The following TTC27 variants were observed in gnomAD, a reference collection of about 807,000 sequenced individuals.
TTC27 encodes the protein tetratricopeptide repeat protein 27.
In TTC27, 79 loss-of-function variants were observed where a neutral mutation model predicts 115.9. The ratio of observed to expected loss-of-function variants is 0.68; its 90% CI spans 0.57 to 0.82. TTC27 has a LOEUF of 0.82. TTC27 is among the 40% of genes least tolerant of loss of function. The probability of loss-of-function intolerance (pLI) is 0.00; values close to 1 mark genes in which losing one functional copy is unlikely to be tolerated. For synonymous variants in TTC27, 401 were observed against 356.0 expected (o/e 1.13, Z -1.42); for missense variants, 1,054 against 993.1 (o/e 1.06, Z -0.82).
chr2:32,727,230 G>T (rs1263494832), intron 10 of TTC27, among the ~76,000 whole-genome samples: 1 of 152,164 alleles, frequency 6.6e-6, no homozygotes, highest in East Asian at 1.9e-4. Context: ...TTTCTGATGA[G>T]ATTGTGGTGA....
chr2:32,728,917 G>A (rs977682221), intron 10 of TTC27, among the ~76,000 whole-genome samples: 1 of 152,164 alleles, frequency 6.6e-6, no homozygotes, highest in Non-Finnish European at 1.5e-5. Flanking sequence ...TGAATTGACT[G>A]CAGACTCCTG....
At chr2:32,639,340 C>A (rs141917219) in intron 3 of TTC27, among the ~76,000 whole-genome samples, 2 of 152,120 alleles carry the variant, frequency 1.3e-5, no homozygotes, top group East Asian at 3.9e-4. Context: ...ATTTTAACAA[C>A]CTTGTCCATT....
At chr2:32,685,015 CTTTTTTTTTTT>C (rs70938361) in intron 9 of TTC27, among the ~76,000 whole-genome samples, 14 of 116,310 alleles carry the variant, frequency 1.2e-4, no homozygotes, top group East Asian at 2.5e-4. Context: ...TTGCCTTTTC[CTTTTTTTTTTT>C]TTTTTTTTTT....
chr2:32,777,904 G>T lies in TTC27; in HGVS notation c.1703G>T (p.Gly568Val). The T allele has an allele frequency of 6.2e-7, 1 of 1,613,980 alleles. No homozygotes were observed. Among genetic ancestry groups the T allele is most frequent in the Non-Finnish European group, 8.5e-7 (1 of 1,179,988 alleles). ...PMQLGVWFSL[G>V]CAYLALEDYQ... ...CAGCTCGGGGTGTGGTTTTCTCTCG[G>T]TTGTGCCTATTTGGCCTTGGAAGAC... The change falls in exon 14 of 20, where the codon GGT (glycine) becomes GTT (valine). Residue 568 changes from glycine to valine, a missense_variant. Gly to Val is a moderately radical substitution (Grantham distance 109, BLOSUM62 -3). Transcript: ENST00000317907.
chr2:32,690,264 T>C (rs1666766734), intron 9 of TTC27, among the ~76,000 whole-genome samples: 2 of 152,198 alleles, frequency 1.3e-5, no homozygotes, highest in African/African-American at 4.8e-5. Context: ...TATGAAAATT[T>C]GCATAGCAGA....
chr2:32,792,473 G>T (rs1271174589), intron 16 of TTC27, among the ~76,000 whole-genome samples: 1 of 151,728 alleles, frequency 6.6e-6, no homozygotes, highest in Admixed American at 6.6e-5. Flanking sequence ...CACAGTCTAA[G>T]AACTGTTTTT....
intron 13 of TTC27, among the ~76,000 whole-genome samples, chr2:32,772,037 G>A (rs532966146): frequency 1.3e-5 from 2 of 152,228 alleles, no homozygotes; most frequent in Non-Finnish European, 2.9e-5. Context: ...GAGGAAGGGA[G>A]TTTGAGTAGT....
At chr2:32,796,808 A>G (rs1670716365) in intron 16 of TTC27, among the ~76,000 whole-genome samples, 1 of 152,200 alleles carries the variant, frequency 6.6e-6, no homozygotes. Context: ...AGACATACAG[A>G]CCAATAGAAT....
intron 5 of TTC27, among the ~76,000 whole-genome samples, chr2:32,658,154 G>A (rs1163597272): frequency 1.3e-5 from 2 of 151,922 alleles, no homozygotes; most frequent in Non-Finnish European, 2.9e-5. Flanking sequence ...TTTAGAGACT[G>A]CTCTGTTGCT....
At chr2:32,666,984 A>C (rs1665802978) in intron 7 of TTC27, among the ~76,000 whole-genome samples, 1 of 151,406 alleles carries the variant, frequency 6.6e-6, no homozygotes, top group South Asian at 2.1e-4. Flanking sequence ...TTTTTTCCTA[A>C]CCTGTATATA....
rs147123964 is a variant in TTC27 at position 32,650,207 on chromosome 2, C to T, written c.614C>T (p.Thr205Ile). Residue 205 changes from threonine (T) to isoleucine (I), a missense_variant, in exon 5 of 20, where the codon ACT (threonine) becomes ATT (isoleucine). Transcript: ENST00000317907. ...GAGGAACGCTCACCTCTGCTTTTTACTCTTGCCGAAAACTGTATTGATCAA... is the reference window on the plus strand; with the variant it reads ...GAGGAACGCTCACCTCTGCTTTTTATTCTTGCCGAAAACTGTATTGATCAA... ...LLEERSPLLF[T>I]LAENCIDQVM... 2.8e-4 allele frequency: 459 copies of T among 1,613,750 alleles called. 1 individual carries two copies. The highest frequency in any genetic ancestry group is 5.3e-5 in the Non-Finnish European group (63 of 1,179,892).
chr2:32,720,192 CTA>C (rs1254469656), intron 10 of TTC27, among the ~76,000 whole-genome samples: 1 of 152,092 alleles, frequency 6.6e-6, no homozygotes, highest in African/African-American at 2.4e-5. Flanking sequence ...GTTATCATAG[CTA>C]TGTTTTAGCA....
At chr2:32,646,663 A>T (rs1664875185) in intron 4 of TTC27, among the ~76,000 whole-genome samples, 1 of 145,330 alleles carries the variant, frequency 6.9e-6, no homozygotes. Context: ...TTCCGGGTTC[A>T]TGCCATTCTC....
intron 3 of TTC27, among the ~76,000 whole-genome samples, chr2:32,639,149 A>T (rs1207025078): frequency 6.6e-6 from 1 of 152,190 alleles, no homozygotes; most frequent in East Asian, 1.9e-4. Context: ...TTCATTTCAT[A>T]ATTGATGAAA....
At chr2:32,731,723 C>T (rs1025784972) in intron 10 of TTC27, among the ~76,000 whole-genome samples, 5 of 152,064 alleles carry the variant, frequency 3.3e-5, no homozygotes, top group African/African-American at 1.2e-4. Flanking sequence ...TGTATGGGGG[C>T]TTATTCATGG....
intron 9 of TTC27, among the ~76,000 whole-genome samples, chr2:32,682,680 T>TA (rs1299667279): frequency 1.1e-3 from 165 of 150,468 alleles, no homozygotes; most frequent in African/African-American, 2.9e-3. Flanking sequence ...TTTTTTTTTT[T>TA]TTTTTGAAAT....
chr2:32,744,563 T>C (rs1352278759), intron 12 of TTC27, among the ~76,000 whole-genome samples: 1 of 152,200 alleles, frequency 6.6e-6, no homozygotes, highest in African/African-American at 2.4e-5. Context: ...CTCAAGTGTC[T>C]TGCTTTCCAG....
intron 13 of TTC27, among the ~76,000 whole-genome samples, chr2:32,767,205 A>G (rs1190700501): frequency 6.6e-6 from 1 of 152,184 alleles, no homozygotes; most frequent in East Asian, 1.9e-4. Context: ...TTAAAACATC[A>G]GTAATAATTT....
At chr2:32,792,706 A>G (rs985529524) in intron 16 of TTC27, among the ~76,000 whole-genome samples, 2 of 152,088 alleles carry the variant, frequency 1.3e-5, no homozygotes, top group Non-Finnish European at 2.9e-5. Context: ...AGTTTTTGTA[A>G]TGGGTTAAGG....
Sources: allele counts gnomAD v4.1 joint callset (sites outside exome capture counted in the v4.1 genomes callset), GRCh38; gene constraint gnomAD v4.1.1; transcripts MANE v1.5; gene names NCBI Gene and HGNC (gene_info 2026-07-23, HGNC 2026-07-21).